Variants in SLC18A1 observed in about 807,000 individuals in gnomAD.
SLC18A1 encodes the protein chromaffin granule amine transporter.
In SLC18A1, 69 loss-of-function variants were observed where a neutral mutation model predicts 53.7. The observed-to-expected ratio is 1.28, with a 90% CI of 1.06 to 1.57. The LOEUF is 1.57. SLC18A1 is among the 40% of genes most tolerant of loss of function. The pLI, the probability that SLC18A1 is intolerant of heterozygous loss-of-function variation, is 0.00. For synonymous variants in SLC18A1, 320 were observed against 248.1 expected (o/e 1.29, Z -2.72); for missense variants, 932 against 668.1 (o/e 1.40, Z -4.35).
rs1311086189 is a variant in SLC18A1 at position 20,172,906 on chromosome 8, T to C, written c.724+130A>G. ...AGGAAATTTAACCTTTTCTCAGTGATATTTCTAAAGGAGTTGAAATAGGAT... is the reference window on the plus strand; with the variant it reads ...AGGAAATTTAACCTTTTCTCAGTGACATTTCTAAAGGAGTTGAAATAGGAT... On this transcript the variant is annotated intron_variant, in intron 6 of 15. Coordinates refer to ENST00000276373, the MANE Select transcript of SLC18A1 (RefSeq NM_003053.4). 6.0e-6 allele frequency: 4 copies of C among 669,250 alleles called. No individual in the cohort carries two copies. The Admixed American group carries it at 7.6e-5, about 13-fold the overall frequency. 41.5% of individuals were successfully genotyped at this position (669,250 alleles called of 1,614,324 possible).
At chr8:20,181,145 T>A in intron 1 of SLC18A1, 58 bp from the exon 2 acceptor site, 1 of 575,474 alleles carries the variant, frequency 1.7e-6, no homozygotes, top group Non-Finnish European at 3.0e-6. Context: ...TGGAAACATC[T>A]CCATGTCTGT....
intron 10 of SLC18A1, among the ~76,000 whole-genome samples, chr8:20,154,068 T>C (rs927516514): frequency 5.3e-5 from 8 of 152,146 alleles, no homozygotes; most frequent in Non-Finnish European, 1.0e-4. Flanking sequence ...GAGCTGGGCC[T>C]CCTGAGGCCC....
In SLC18A1 at chr8:20,147,702, T is replaced by C. The variant is rs781211213; in HGVS notation, c.1231A>G (p.Met411Val). 4 of 1,613,600 alleles carry C rather than the reference T, an allele frequency of 2.5e-6. No homozygotes were observed. Among genetic ancestry groups the C allele is most frequent in the Admixed American group, 3.3e-5 (2 of 59,994 alleles). The change falls in exon 14 of 16, where the codon ATG becomes GTG. Residue 411 changes from methionine (M) to valine (V), a missense_variant. Coordinates refer to ENST00000276373, the MANE Select transcript of SLC18A1 (RefSeq NM_003053.4). The stretch of plus-strand genomic sequence containing the variant: ...TCCACCAGGTGCCCCATGATGGGCA[T>C]CATAGAAGAATCCACCATGCCTGTG... ...LAIGMVDSSMMPIMGHLVDLR... is the reference protein window; with the variant it reads ...LAIGMVDSSMVPIMGHLVDLR...
chr8:20,174,016 C>A (rs1470332242), intron 5 of SLC18A1, among the ~76,000 whole-genome samples: 1 of 151,874 alleles, frequency 6.6e-6, no homozygotes, highest in East Asian at 1.9e-4. Context: ...CCCACTTTAG[C>A]CTCCCAAGTA....
chr8:20,176,392 C>T (rs1394675538), intron 4 of SLC18A1, among the ~76,000 whole-genome samples: 1 of 152,158 alleles, frequency 6.6e-6, no homozygotes, highest in African/African-American at 2.4e-5. Context: ...GCCTGCAGAA[C>T]CATGAGCCAA....
Position 20,174,356 on chromosome 8 carries a change from G to T in SLC18A1, c.631+5C>A. 6.2e-7 allele frequency: 1 copy of T among 1,605,848 alleles called. No individual in the cohort carries two copies. On this transcript the variant is annotated splice_donor_5th_base_variant and intron_variant, in intron 5 of 15. Transcript: ENST00000276373. ...TGTGTGTGCATGATGAGTTGCCAGT[G>T]TTACCTGCAACAGATGAAAATGAAG...
intron 8 of SLC18A1, among the ~76,000 whole-genome samples, chr8:20,167,214 A>T (rs2128875604): frequency 6.6e-6 from 1 of 152,258 alleles, no homozygotes; most frequent in African/African-American, 2.4e-5. Flanking sequence ...AGGTGGAAAA[A>T]AGAACTAATG....
In SLC18A1 at chr8:20,157,024, G is replaced by T. The variant is rs536331350; in HGVS notation, c.1016-6280C>A. ...CTTTCTTTGTGGTCAAGAAAGGCGG[G>T]AAAACAGGTGCAGGACTGCTACATC... is the stretch of plus-strand genomic sequence containing the variant. On this transcript the variant is annotated intron_variant, in intron 10 of 15. Coordinates refer to ENST00000276373, the MANE Select transcript of SLC18A1 (RefSeq NM_003053.4). 9.9e-5 allele frequency among the ~76,000 whole-genome samples: 15 copies of T among 152,232 alleles called. No individual in the cohort carries two copies. In the South Asian group the frequency reaches 3.1e-3, roughly 32 times the overall value.
In SLC18A1 at chr8:20,147,598, C is replaced by A; in HGVS notation, c.1330+5G>T. 6.2e-7 allele frequency: 1 copy of A among 1,614,104 alleles called. No individual in the cohort carries two copies. Among genetic ancestry groups the A allele is most frequent in the Non-Finnish European group, 8.5e-7 (1 of 1,179,976 alleles). ...AAAGTGGGGCACCAGGTCCTGCCAA[C>A]ATACCTATAGCAAAGCCCATGCAAA... On this transcript the variant is annotated splice_donor_5th_base_variant and intron_variant, in intron 14 of 15. Coordinates refer to ENST00000276373, the MANE Select transcript of SLC18A1 (RefSeq NM_003053.4).
intron 10 of SLC18A1, among the ~76,000 whole-genome samples, chr8:20,151,517 C>T (rs1318998553): frequency 6.6e-6 from 1 of 152,156 alleles, no homozygotes; most frequent in Non-Finnish European, 1.5e-5. Flanking sequence ...GGATTAATTA[C>T]TAAACCTTTC....
chr8:20,146,018 C>A (rs1342981803), intron 15 of SLC18A1, 142 bp from the exon 16 acceptor site: 5 of 444,586 alleles, frequency 1.1e-5, no homozygotes, highest in Non-Finnish European at 2.0e-5. Context: ...CGGGTTCATG[C>A]CGTTCTCCTG....
intron 1 of SLC18A1, among the ~76,000 whole-genome samples, chr8:20,182,171 A>G (rs1331571901): frequency 6.6e-6 from 1 of 152,206 alleles, no homozygotes; most frequent in East Asian, 1.9e-4. Flanking sequence ...GGCCCTAAAA[A>G]TTGTATACTC....
intron 5 of SLC18A1, among the ~76,000 whole-genome samples, chr8:20,173,978 C>A (rs548858432): frequency 6.6e-6 from 1 of 151,506 alleles, no homozygotes; most frequent in African/African-American, 2.4e-5. Context: ...CTCACTGCAG[C>A]CTTGACCACC....
chr8:20,155,809 A>C (rs949469608), intron 10 of SLC18A1, among the ~76,000 whole-genome samples: 1 of 152,144 alleles, frequency 6.6e-6, no homozygotes, highest in Non-Finnish European at 1.5e-5. Context: ...CTTAGGCACC[A>C]AGGCTATGAA....
At chr8:20,171,593 C>G in intron 6 of SLC18A1, 99 bp from the exon 7 acceptor site, 1 of 913,806 alleles carries the variant, frequency 1.1e-6, no homozygotes, top group Non-Finnish European at 1.8e-6. Flanking sequence ...AGAAGGCCTG[C>G]TAGGGGCTAA....
intron 10 of SLC18A1, among the ~76,000 whole-genome samples, chr8:20,154,680 G>A (rs780311985): frequency 6.6e-6 from 1 of 152,212 alleles, no homozygotes; most frequent in Non-Finnish European, 1.5e-5. Context: ...CTGATGACAA[G>A]TCCAGGATTT....
chr8:20,158,168 G>C (rs1215183764), intron 10 of SLC18A1, among the ~76,000 whole-genome samples: 2 of 152,162 alleles, frequency 1.3e-5, no homozygotes, highest in Admixed American at 1.3e-4. Context: ...GAGGTTAACT[G>C]TCTCCTAGAC....
intron 8 of SLC18A1, among the ~76,000 whole-genome samples, chr8:20,167,614 T>G (rs996967089): frequency 2.0e-5 from 3 of 150,370 alleles, no homozygotes; most frequent in Non-Finnish European, 3.0e-5. Flanking sequence ...TAGTTTTTTG[T>G]TTTTTTTGTT....
intron 12 of SLC18A1, among the ~76,000 whole-genome samples, chr8:20,149,212 A>C (rs1228655688): frequency 1.3e-5 from 2 of 152,108 alleles, no homozygotes; most frequent in South Asian, 2.1e-4. Flanking sequence ...TTCTTCTTCT[A>C]TCAAGCCTCT....
Sources: gnomAD v4.1 joint callset for allele counts (sites outside exome capture counted in the v4.1 genomes callset) on GRCh38, gnomAD v4.1.1 for gene constraint, MANE v1.5 for transcripts, NCBI Gene and HGNC (gene_info 2026-07-23, HGNC 2026-07-21) for gene names.